KNOP1: variants seen among roughly 807,000 people sequenced by gnomAD.
KNOP1 encodes the protein lysine-rich nucleolar protein 1.
In KNOP1, 20 loss-of-function variants were observed where a neutral mutation model predicts 30.6. The observed-to-expected ratio is 0.65, with a 90% CI of 0.46 to 0.95. KNOP1 has a LOEUF of 0.95. Ranked by LOEUF, KNOP1 falls within the 40% of genes least tolerant of loss-of-function variation. KNOP1 has a pLI of 0.00. For synonymous variants in KNOP1, 204 were observed against 210.0 expected (o/e 0.97, Z 0.25); for missense variants, 540 against 562.0 (o/e 0.96, Z 0.40).
intron 4 of KNOP1, among the ~76,000 whole-genome samples, chr16:19,709,702 CCT>C (rs34327499): frequency 0.063 from 9,580 of 152,210 alleles, 1,009 homozygotes; most frequent in African/African-American, 0.22. Flanking sequence ...CGCTCTTCCC[CCT>C]GTCTCCTGAG....
chr16:19,710,191 C>A, intron 4 of KNOP1: 1 of 419,238 alleles, frequency 2.4e-6, no homozygotes, highest in South Asian at 2.6e-5. Context: ...GCATCGTCCA[C>A]CACTGGCAAG....
In KNOP1 at chr16:19,706,887, T is replaced by C. The variant is rs911768522; in HGVS notation, c.*23A>G. ...AATAATCAAAGCAATTGTGGCAGTT[T>C]TGGGGGGACAAAACTCTAGAGTTTA... On this transcript the variant is annotated 3_prime_UTR_variant, in exon 5 of 5. Coordinates refer to ENST00000219837, the MANE Select transcript of KNOP1 (RefSeq NM_001012991.3). 5.6e-6 allele frequency: 9 copies of C among 1,606,426 alleles called. No individual in the cohort carries two copies. Among genetic ancestry groups the C allele is most frequent in the Non-Finnish European group, 7.6e-6 (9 of 1,178,198 alleles).
rs1412094919 is a variant in KNOP1 at position 19,714,513 on chromosome 16, T to A, written c.523A>T (p.Arg175Trp). 2 of 1,613,982 alleles carry A rather than the reference T, an allele frequency of 1.2e-6. No homozygotes were observed. The highest frequency in any genetic ancestry group is 1.7e-6 in the Non-Finnish European group (2 of 1,179,998). ...GTGTCCCCAACATCCCTGGCCTCCC[T>A]GGCCTCACAGAACCAAGGGTCCTGG... ...SVQDPWFCEA[R>W]EARDVGDTCS... The change falls in exon 2 of 5, where the codon AGG becomes TGG. Residue 175 changes from arginine (R) to tryptophan (W), a missense_variant. By Grantham distance (101) the Arg-to-Trp change is moderately radical (BLOSUM62 -3). Coordinates refer to ENST00000219837, the MANE Select transcript of KNOP1 (RefSeq NM_001012991.3).
intron 1 of KNOP1, 32 bp downstream of exon 1, chr16:19,718,126 C>T: frequency 6.9e-7 from 1 of 1,446,152 alleles, no homozygotes; most frequent in Non-Finnish European, 9.0e-7. Context: ...ACACCCCGCG[C>T]CGGCCCGCCT....
chr16:19,703,382 TTG>T lies in KNOP1; in HGVS notation c.*3526_*3527del, dbSNP rs1471641205. The T allele has an allele frequency of 1.3e-5, 2 of 152,150 alleles. No individual in the cohort carries two copies. Among genetic ancestry groups the T allele is most frequent in the Non-Finnish European group, 2.9e-5 (2 of 68,026 alleles). The allele number at this position is 152,150 out of a possible 1,614,324, so 9.4% of individuals were successfully genotyped here. A position where few individuals can be genotyped will look rare whatever the true frequency, so the allele number is the denominator to read the frequency against. On this transcript the variant is annotated 3_prime_UTR_variant, in exon 5 of 5. Transcript: ENST00000219837. ...CTTCCTCTTCCACATTTAGGGATCT[TTG>T]TGATTCCTCCGGCCCACCCAGAAAC...
At chr16:19,715,929 A>G (rs1004631996) in intron 1 of KNOP1, among the ~76,000 whole-genome samples, 46 of 152,192 alleles carry the variant, frequency 3.0e-4, no homozygotes, top group African/African-American at 1.0e-3. Flanking sequence ...AGACATTCCC[A>G]GAATCTAGAA....
chr16:19,717,259 C>G, intron 1 of KNOP1: 2 of 963,266 alleles, frequency 2.1e-6, no homozygotes, highest in Non-Finnish European at 2.5e-6. Flanking sequence ...TAGGAACGTA[C>G]TGCCCGCGGA....
Position 19,714,841 on chromosome 16 carries a change from C to T in KNOP1, c.195G>A (p.Lys65=). ...HGQAPEMPLV[K]KKKKKKKGVS... ...CACCCTTCTTTTTCTTCTTCTTTTT[C>T]TTCACTAGAGGCATCTCAGGTGCCT... The change falls in exon 2 of 5, where the codon AAG becomes AAA. Residue 65 remains lysine (K), a synonymous_variant. Transcript: ENST00000219837. 6.2e-6 allele frequency: 10 copies of T among 1,613,718 alleles called. No homozygotes were observed. Among genetic ancestry groups the T allele is most frequent in the Non-Finnish European group, 7.6e-6 (9 of 1,179,920 alleles).
intron 2 of KNOP1, among the ~76,000 whole-genome samples, chr16:19,712,840 G>A (rs1374245295): frequency 1.3e-5 from 2 of 152,148 alleles, no homozygotes; most frequent in East Asian, 1.9e-4. Flanking sequence ...CAGGAATGGG[G>A]GCCTGGCCCT....
At chr16:19,709,246 T>C (rs1976581112) in intron 4 of KNOP1, among the ~76,000 whole-genome samples, 1 of 152,218 alleles carries the variant, frequency 6.6e-6, no homozygotes, top group East Asian at 1.9e-4. Context: ...GCAGAGCCAG[T>C]AGTGAAATCA....
At chr16:19,715,211 T>A in intron 1 of KNOP1, 174 bp from the exon 2 acceptor site, 1 of 514,192 alleles carries the variant, frequency 1.9e-6, no homozygotes, top group Non-Finnish European at 3.4e-6. Context: ...ACAGCGTAAA[T>A]TTTAAATCCA....
chr16:19,706,939 CG>C lies in KNOP1; in HGVS notation c.1347del (p.Asn449LysfsTer13), dbSNP rs1289942804. 3 of 1,612,654 alleles carry C rather than the reference CG, an allele frequency of 1.9e-6. No homozygotes were observed. The highest frequency in any genetic ancestry group is 2.5e-6 in the Non-Finnish European group (3 of 1,179,990). On this transcript the variant is annotated frameshift_variant, in exon 5 of 5. Coordinates refer to ENST00000219837, the MANE Select transcript of KNOP1 (RefSeq NM_001012991.3). LOFTEE classifies it high-confidence loss of function. ...TCTTCCAGCTTGACTGACTTGGAAG[CG>C]TTCCTGTCAATGTAAAAGATCTTGT... The part of the protein sequence containing the change: ...APNKIFYIDR[N>X]ASKSVKLED
chr16:19,714,871 A>G lies in KNOP1; in HGVS notation c.165T>C (p.His55=), dbSNP rs2151655490. ...RATSPSKSVA[H]GQAPEMPLVK... ...CTAGAGGCATCTCAGGTGCCTGCCC[A>G]TGGGCCACACTCTTAGAGGGGGATG... The change falls in exon 2 of 5, where the codon CAT becomes CAC. Residue 55 remains histidine, a synonymous_variant. Coordinates refer to ENST00000219837, the MANE Select transcript of KNOP1 (RefSeq NM_001012991.3). 6.2e-7 allele frequency: 1 copy of G among 1,613,706 alleles called. No homozygotes were observed. Among genetic ancestry groups the G allele is most frequent in the East Asian group, 2.2e-5 (1 of 44,884 alleles).
At position 19,707,101 on chromosome 16, in the gene KNOP1, T is replaced by G. The variant is rs1336299670; in HGVS notation, c.1186A>C (p.Thr396Pro). 1 of 1,614,166 alleles carries G rather than the reference T, an allele frequency of 6.2e-7. No individual in the cohort carries two copies. Among genetic ancestry groups the G allele is most frequent in the Non-Finnish European group, 8.5e-7 (1 of 1,180,022 alleles). ...LSPSFSRPAS[T>P]IARPNMALGK... ...AGGGCCATGTTGGGCCTTGCAATCG[T>G]GCTGGCGGGGCGGCTGAACGAAGGG... The change falls in exon 5 of 5, where the codon ACG becomes CCG. Residue 396 changes from threonine (T) to proline (P), a missense_variant. By Grantham distance (38) the Thr-to-Pro change is conservative (BLOSUM62 -1). Coordinates refer to ENST00000219837, the MANE Select transcript of KNOP1 (RefSeq NM_001012991.3).
chr16:19,710,469 A>T (rs1216113408), intron 4 of KNOP1, 40 bp downstream of exon 4: 2 of 1,603,406 alleles, frequency 1.2e-6, no homozygotes, highest in Admixed American at 1.7e-5. Flanking sequence ...CGGGAGGCCG[A>T]GCGTGCCACC....
chr16:19,717,724 C>T (rs1449768794), intron 1 of KNOP1: 2 of 987,564 alleles, frequency 2.0e-6, no homozygotes, highest in Middle Eastern at 5.2e-4. Flanking sequence ...TTTGTGAATA[C>T]CCGACCTCGC....
At chr16:19,711,655 T>G (rs971500121) in intron 2 of KNOP1, 2 of 576,166 alleles carry the variant, frequency 3.5e-6, no homozygotes, top group African/African-American at 1.9e-5. Context: ...ACTAAACTAT[T>G]TGACGGATGA....
At position 19,706,888 on chromosome 16, in the gene KNOP1, T is replaced by G; in HGVS notation, c.*22A>C. ...ATAATCAAAGCAATTGTGGCAGTTT[T>G]GGGGGGACAAAACTCTAGAGTTTAA... is the stretch of plus-strand genomic sequence containing the variant. On this transcript the variant is annotated 3_prime_UTR_variant, in exon 5 of 5. Transcript: ENST00000219837. The G allele has an allele frequency of 6.2e-7, 1 of 1,606,488 alleles. No individual in the cohort carries two copies. Among genetic ancestry groups the G allele is most frequent in the East Asian group, 2.2e-5 (1 of 44,838 alleles).
intron 4 of KNOP1, chr16:19,710,181 G>A: frequency 2.6e-6 from 1 of 386,552 alleles, no homozygotes; most frequent in Non-Finnish European, 4.9e-6. Flanking sequence ...CCCTCCAAAG[G>A]CATCGTCCAC....
Sources: gnomAD v4.1 joint callset for allele counts (sites outside exome capture counted in the v4.1 genomes callset) on GRCh38, gnomAD v4.1.1 for gene constraint, MANE v1.5 for transcripts, NCBI Gene and HGNC (gene_info 2026-07-23, HGNC 2026-07-21) for gene names.